Variants in NPAS2 observed in about 807,000 individuals in gnomAD.
NPAS2 encodes the protein neuronal PAS domain-containing protein 2.
A neutral mutation model predicts 107.5 loss-of-function variants in NPAS2; 23 were observed. That is an observed-to-expected ratio of 0.21 (90% CI 0.15 to 0.30). The LOEUF (loss-of-function observed/expected upper bound fraction) is 0.30, where lower values mean the gene tolerates loss of function less well. Ranked by LOEUF, NPAS2 falls within the 10% of genes least tolerant of loss-of-function variation. NPAS2 has a pLI of 1.00. For missense variants in NPAS2, 756 were observed against 1,043.3 expected (o/e 0.72, Z 3.79); for synonymous variants, 403 against 417.5 (o/e 0.97, Z 0.42).
intron 2 of NPAS2, among the ~76,000 whole-genome samples, chr2:100,908,466 G>C (rs1203024229): frequency 1.3e-5 from 2 of 152,110 alleles, no homozygotes; most frequent in African/African-American, 4.8e-5. Flanking sequence ...GGATTCAAAT[G>C]CACACATCTG....
At chr2:100,913,168 C>T (rs1276111181) in intron 2 of NPAS2, among the ~76,000 whole-genome samples, 1 of 152,172 alleles carries the variant, frequency 6.6e-6, no homozygotes, top group Non-Finnish European at 1.5e-5. Context: ...ACCATAGAGA[C>T]CCTCCAAGGG....
intron 19 of NPAS2, among the ~76,000 whole-genome samples, chr2:100,992,928 T>G (rs1212828726): frequency 6.6e-6 from 1 of 151,292 alleles, no homozygotes; most frequent in Non-Finnish European, 1.5e-5. Context: ...GGACAAAAGT[T>G]TCTTTTTTTT....
chr2:100,822,130 G>A (rs541658396), intron 1 of NPAS2, among the ~76,000 whole-genome samples: 4 of 152,320 alleles, frequency 2.6e-5, no homozygotes, highest in African/African-American at 4.8e-5. Flanking sequence ...TGTAGAATCG[G>A]TTTTATTCTC....
intron 1 of NPAS2, among the ~76,000 whole-genome samples, chr2:100,898,463 A>G (rs1413146324): frequency 6.6e-6 from 1 of 152,184 alleles, no homozygotes; most frequent in Non-Finnish European, 1.5e-5. Flanking sequence ...TGGAAGGCCC[A>G]CCCTACATTT....
chr2:100,822,449 TG>T (rs368467422), intron 1 of NPAS2, among the ~76,000 whole-genome samples: 8 of 152,372 alleles, frequency 5.3e-5, no homozygotes, highest in African/African-American at 1.7e-4. Flanking sequence ...TATAACCTGA[TG>T]TGTGCCATGT....
intron 1 of NPAS2, among the ~76,000 whole-genome samples, chr2:100,899,169 C>T (rs1040371487): frequency 1.3e-5 from 2 of 150,882 alleles, no homozygotes; most frequent in South Asian, 2.1e-4. Context: ...GGAAAACGGA[C>T]GTTACGTAAA....
intron 1 of NPAS2, among the ~76,000 whole-genome samples, chr2:100,887,417 G>A (rs1680764959): frequency 6.6e-6 from 1 of 152,214 alleles, no homozygotes; most frequent in Non-Finnish European, 1.5e-5. Context: ...ACTCAAGTCC[G>A]TCCTCAGCTC....
intron 1 of NPAS2, among the ~76,000 whole-genome samples, chr2:100,868,902 G>A (rs1480020468): frequency 6.6e-6 from 1 of 151,944 alleles, no homozygotes. Flanking sequence ...TAAGCCTCAT[G>A]TTTATATCTT....
At position 100,980,760 on chromosome 2, in the gene NPAS2, C is replaced by A. The variant is rs556365866; in HGVS notation, c.1483-1471C>A. Among the ~76,000 whole-genome samples the A allele has an allele frequency of 7.2e-5, 11 of 152,256 alleles. No individual in the cohort carries two copies. The South Asian group carries it at 2.3e-3, about 32-fold the overall frequency. On this transcript the variant is annotated intron_variant, in intron 15 of 20. Coordinates refer to ENST00000335681, the MANE Select transcript of NPAS2 (RefSeq NM_002518.4). ...TGCTGGGATTACAGGCATGAGTCAC[C>A]GCCCCAGGCCCAGCACAGGTATTTT...
intron 2 of NPAS2, among the ~76,000 whole-genome samples, chr2:100,916,532 G>C (rs1682891259): frequency 6.6e-6 from 1 of 152,112 alleles, no homozygotes; most frequent in South Asian, 2.1e-4. Flanking sequence ...TATGATACAG[G>C]ATCAATTCAC....
Position 100,976,985 on chromosome 2 carries a change from A to G in NPAS2, c.1393-725A>G, listed in dbSNP as rs1677055115. On this transcript the variant is annotated intron_variant, in intron 14 of 20. Coordinates refer to ENST00000335681, the MANE Select transcript of NPAS2 (RefSeq NM_002518.4). This position sits in a 1 kb window ranked among gnomAD's most constrained non-coding sequence, Gnocchi z 4.1. ...TGAGCTGCTTTTTTATATAGGCCCT[A>G]GCAACTAGGGGCCGTGTCGGAATAA... 1 of 151,908 alleles carries G rather than the reference A, an allele frequency of 6.6e-6. No homozygotes were observed. The highest frequency in any genetic ancestry group is 2.1e-4 in the South Asian group (1 of 4,818). 9.4% of individuals were successfully genotyped at this position (151,908 alleles called of 1,614,324 possible). A position where few individuals can be genotyped will look rare whatever the true frequency, so the allele number is the denominator to read the frequency against.
chr2:100,985,412 C>T (rs950438744), intron 16 of NPAS2: 5 of 152,316 alleles, frequency 3.3e-5, no homozygotes, highest in African/African-American at 1.2e-4. Flanking sequence ...TGTGAGGATA[C>T]AGAAAGATAA....
chr2:100,933,517 A>G (rs1006021863), intron 4 of NPAS2, among the ~76,000 whole-genome samples: 1 of 152,098 alleles, frequency 6.6e-6, no homozygotes, highest in Non-Finnish European at 1.5e-5. Context: ...GTGCCTCCCC[A>G]TCCAGCTCAT....
At chr2:100,994,200 G>C (rs1280746248) in intron 20 of NPAS2, 3 of 152,448 alleles carry the variant, frequency 2.0e-5, no homozygotes, top group Non-Finnish European at 4.4e-5. Context: ...CCCTGTCCTG[G>C]GGGGGCTTCC....
At position 100,976,336 on chromosome 2, in the gene NPAS2, C is replaced by G. The variant is rs1677004518; in HGVS notation, c.1392+769C>G. Reference sequence around the variant, plus strand: ...CATGGGCCTCTCAAGCCTTAGGCTTCTCCTGGCATGGTGGTGGACTCCAGG... The same window carrying G: ...CATGGGCCTCTCAAGCCTTAGGCTTGTCCTGGCATGGTGGTGGACTCCAGG... On this transcript the variant is annotated intron_variant, in intron 14 of 20. Transcript: ENST00000335681. This position sits in a 1 kb window ranked among gnomAD's most constrained non-coding sequence, Gnocchi z 4.1. 6.6e-6 allele frequency among the ~76,000 whole-genome samples: 1 copy of G among 152,064 alleles called. No homozygotes were observed. Among genetic ancestry groups the G allele is most frequent in the Non-Finnish European group, 1.5e-5 (1 of 68,020 alleles).
chr2:100,926,941 CTT>C (rs71378131), intron 3 of NPAS2, among the ~76,000 whole-genome samples: 10 of 126,852 alleles, frequency 7.9e-5, no homozygotes, highest in South Asian at 2.5e-4. Flanking sequence ...TTTTTTCTTT[CTT>C]TTTTTTTTTT....
chr2:100,940,830 C>CAT (rs1370914137), intron 5 of NPAS2, among the ~76,000 whole-genome samples: 1 of 152,186 alleles, frequency 6.6e-6, no homozygotes, highest in Non-Finnish European at 1.5e-5. Flanking sequence ...TGAATGTTCT[C>CAT]AGAGTGTGGG....
At chr2:100,918,028 C>T (rs1040213468) in intron 2 of NPAS2, among the ~76,000 whole-genome samples, 16 of 150,510 alleles carry the variant, frequency 1.1e-4, no homozygotes, top group African/African-American at 3.7e-4. Flanking sequence ...TACAAAATTT[C>T]TCAACAAAAC....
rs1260264456 is a variant in NPAS2 at position 100,995,453 on chromosome 2, C to G, written c.2346C>G (p.Ser782=). 1.2e-6 allele frequency: 2 copies of G among 1,614,152 alleles called. No homozygotes were observed. The highest frequency in any genetic ancestry group is 2.2e-5 in the South Asian group (2 of 91,078). The part of the protein sequence containing the change: ...HSEQQDSLLL[S]TYSQQPGTLG... ...AGCAGCAGGACTCGCTACTTCTCTCCACCTACTCACAACAGCCAGGGACCC... is the reference window on the plus strand; with the variant it reads ...AGCAGCAGGACTCGCTACTTCTCTCGACCTACTCACAACAGCCAGGGACCC... Residue 782 remains serine (S), a synonymous_variant, in exon 21 of 21, where the codon TCC becomes TCG. Transcript: ENST00000335681.
Sources: allele counts gnomAD v4.1 joint callset (sites outside exome capture counted in the v4.1 genomes callset), GRCh38; gene constraint gnomAD v4.1.1; non-coding constraint Gnocchi (gnomAD v3.1); transcripts MANE v1.5; gene names NCBI Gene and HGNC (gene_info 2026-07-23, HGNC 2026-07-21).